SCAF1: variants seen among roughly 807,000 people sequenced by gnomAD.
The protein encoded by SCAF1 is splicing factor, arginine/serine-rich 19.
In SCAF1, 28 loss-of-function variants were observed where a neutral mutation model predicts 91.2. That is an observed-to-expected ratio of 0.31 (90% CI 0.23 to 0.42). The LOEUF (loss-of-function observed/expected upper bound fraction) is 0.42. Among genes scored for constraint, SCAF1 ranks in the 10% least tolerant of loss-of-function variants. The pLI is 1.00. For missense variants in SCAF1, 1,893 were observed against 1,872.1 expected, an observed-to-expected ratio of 1.01 and a Z score of -0.21; for synonymous variants, 1,036 against 833.7, an observed-to-expected ratio of 1.24 and a Z score of -4.18.
chr19:49,651,899 G>T lies in SCAF1; in HGVS notation c.1510G>T (p.Ala504Ser). 4 of 1,164,362 alleles carry T rather than the reference G, an allele frequency of 3.4e-6. No individual in the cohort carries two copies. Among genetic ancestry groups the T allele is most frequent in the South Asian group, 2.3e-5 (1 of 43,926 alleles). The allele number at this position is 1,164,362 out of a possible 1,614,324, so 72.1% of individuals were successfully genotyped here. The change falls in exon 7 of 11, where the codon GCG becomes TCG. Residue 504 changes from alanine (A) to serine (S), a missense_variant. By Grantham distance (99) the Ala-to-Ser change is moderately conservative. Transcript: ENST00000360565. Reference sequence around the variant, plus strand: ...CCAGCGCTCGCCCTCCCCGGCGCCCGCGCCCGCCCCGGCCGCCGCTGCTGG... The same window carrying T: ...CCAGCGCTCGCCCTCCCCGGCGCCCTCGCCCGCCCCGGCCGCCGCTGCTGG... ...YRQRSPSPAP[A>S]PAPAAAAGPP...
intron 9 of SCAF1, among the ~76,000 whole-genome samples, chr19:49,655,661 C>T (rs532233846): frequency 1.8e-4 from 27 of 152,244 alleles, no homozygotes; most frequent in African/African-American, 4.3e-4. Context: ...CCACCGTGCC[C>T]GGCCTTGGTT....
In SCAF1 at chr19:49,646,809, G is replaced by T. The variant is rs138792343; in HGVS notation, c.457G>T (p.Ala153Ser). The change falls in exon 6 of 11, where the codon GCC (alanine) becomes TCC (serine). Residue 153 changes from alanine to serine, a missense_variant. By Grantham distance (99) the Ala-to-Ser change is moderately conservative. This residue lies in a region of SCAF1 where 270 missense variants were observed against 292.5 expected (regional missense o/e 0.92). Coordinates refer to ENST00000360565, the MANE Select transcript of SCAF1 (RefSeq NM_021228.3). This position sits in a 1 kb window ranked among gnomAD's most constrained non-coding sequence, Gnocchi z 5.6. ...GCCCAGCCTGCTGCCCCGTCTCAGGGCCTGGAGGACGGGCAAAACGGGTAT... is the reference window on the plus strand; with the variant it reads ...GCCCAGCCTGCTGCCCCGTCTCAGGTCCTGGAGGACGGGCAAAACGGGTAT... ...PVPSLLPRLR[A>S]WRTGKTVSPQ... The T allele has an allele frequency of 3.9e-4, 624 of 1,612,772 alleles. No individual in the cohort carries two copies. Among genetic ancestry groups the T allele is most frequent in the Non-Finnish European group, 5.0e-4 (593 of 1,179,806 alleles).
chr19:49,651,989 T>A lies in SCAF1; in HGVS notation c.1600T>A (p.Ser534Thr), dbSNP rs1447580549. ...CAGCGGCGAGGCCAAGGAGGCCGCC[T>A]CGTCCTCGTCGGGCACCCAGCCAGC... is the stretch of plus-strand genomic sequence containing the variant. ...KRSGEAKEAA[S>T]SSSGTQPAPP... is the part of the protein sequence containing the mutation. Residue 534 changes from serine (S) to threonine (T), a missense_variant, in exon 7 of 11, where the codon TCG (serine) becomes ACG (threonine). Transcript: ENST00000360565. 5.9e-6 allele frequency: 7 copies of A among 1,194,492 alleles called. No homozygotes were observed. The highest frequency in any genetic ancestry group is 7.3e-6 in the Non-Finnish European group (7 of 954,922). The allele number at this position is 1,194,492 out of a possible 1,614,324, so 74.0% of individuals were successfully genotyped here. A position where few individuals can be genotyped will look rare whatever the true frequency, so the allele number is the denominator to read the frequency against.
chr19:49,640,737 G>T (rs1002712238), upstream of SCAF1, among the ~76,000 whole-genome samples: 1 of 152,174 alleles, frequency 6.6e-6, no homozygotes, highest in Non-Finnish European at 1.5e-5. Context: ...ACTGGGAGGA[G>T]AGTGGGGCCC....
Position 49,652,216 on chromosome 19 carries a change from G to T in SCAF1, c.1827G>T (p.Arg609=). 1 of 1,333,962 alleles carries T rather than the reference G, an allele frequency of 7.5e-7. No homozygotes were observed. Among genetic ancestry groups the T allele is most frequent in the Non-Finnish European group, 9.6e-7 (1 of 1,045,522 alleles). 82.6% of individuals were successfully genotyped at this position (1,333,962 alleles called of 1,614,324 possible). The change falls in exon 7 of 11, where the codon CGG becomes CGT. Residue 609 remains arginine, a synonymous_variant. Coordinates refer to ENST00000360565, the MANE Select transcript of SCAF1 (RefSeq NM_021228.3). ...GGTCCCGGGAGAAGCGGCGACGGCG[G>T]CGGCGCTCCGCCTCCCCGCCCCCGG... ...RSRSREKRRR[R]RRSASPPPAT... is the part of the protein sequence containing the mutation.
Position 49,646,024 on chromosome 19 carries a change from T to C in SCAF1, c.167-84T>C, listed in dbSNP as rs1206009216. 2 of 1,268,662 alleles carry C rather than the reference T, an allele frequency of 1.6e-6. No individual in the cohort carries two copies. Among genetic ancestry groups the C allele is most frequent in the African/African-American group, 3.0e-5 (2 of 67,650 alleles). 78.6% of individuals were successfully genotyped at this position (1,268,662 alleles called of 1,614,324 possible). A position where few individuals can be genotyped will look rare whatever the true frequency, so the allele number is the denominator to read the frequency against. On this transcript the variant is annotated intron_variant, in intron 3 of 10. Transcript: ENST00000360565. The surrounding 1 kb of genome is among the most constrained non-coding windows in gnomAD (Gnocchi z 5.6). ...GGAGGCTGGTTCCGCTGTCAGGAAC[T>C]AGATCAAGCTCCTCTTTCCTCTACC...
In SCAF1 at chr19:49,650,942, GCCCCAC is replaced by G; in HGVS notation, c.558_563del (p.Pro187_Pro188del). 1 of 1,583,810 alleles carries G rather than the reference GCCCCAC, an allele frequency of 6.3e-7. No homozygotes were observed. Among genetic ancestry groups the G allele is most frequent in the Non-Finnish European group, 8.6e-7 (1 of 1,161,404 alleles). On this transcript the variant is annotated inframe_deletion, in exon 7 of 11. Coordinates refer to ENST00000360565, the MANE Select transcript of SCAF1 (RefSeq NM_021228.3). ...CTTGGGCACGGGAGACGGGGGCCCTGCCCCACCCCCTGCCCCCTCCTCTGCATCCTC... is the reference window on the plus strand; with the variant it reads ...CTTGGGCACGGGAGACGGGGGCCCTGCCCCTGCCCCCTCCTCTGCATCCTC...
In SCAF1 at chr19:49,654,830, A is replaced by C. The variant is rs1257240226; in HGVS notation, c.3578A>C (p.Glu1193Ala). ...TGLAATSDKR[E>A]GSSSSEGRGD... ...CTGGCTGCCACGTCTGACAAGAGAG[A>C]GGGCAGCAGCAGCTCTGAGGGCCGT... Residue 1193 changes from glutamate to alanine, a missense_variant, in exon 9 of 11, where the codon GAG becomes GCG. Physicochemically the swap from Glu to Ala is moderately radical, Grantham distance 107. Transcript: ENST00000360565. 6.2e-7 allele frequency: 1 copy of C among 1,610,562 alleles called. No individual in the cohort carries two copies. The highest frequency in any genetic ancestry group is 1.7e-5 in the Admixed American group (1 of 59,852).
intron 6 of SCAF1, among the ~76,000 whole-genome samples, chr19:49,649,381 G>A (rs1004810693): frequency 8.5e-5 from 13 of 152,156 alleles, no homozygotes; most frequent in Admixed American, 2.0e-4. Context: ...CTCTTTCTGC[G>A]CACTCATCTA....
chr19:49,646,584 C>G lies in SCAF1; in HGVS notation c.320C>G (p.Pro107Arg). The change falls in exon 5 of 11, where the codon CCG becomes CGG. Residue 107 changes from proline (P) to arginine (R), a missense_variant. This residue lies in a region of SCAF1 where 270 missense variants were observed against 292.5 expected (regional missense o/e 0.92). Transcript: ENST00000360565. The surrounding 1 kb of genome is among the most constrained non-coding windows in gnomAD (Gnocchi z 5.6). ...GGGCTGGTGAGTGTCCTGGATCCCC[C>G]GGATACCTGGGTTCCCAGCCGCCTG... is the stretch of plus-strand genomic sequence containing the variant. ...LAGLVSVLDP[P>R]DTWVPSRLDL... The G allele has an allele frequency of 6.2e-7, 1 of 1,614,076 alleles. No individual in the cohort carries two copies. Among genetic ancestry groups the G allele is most frequent in the Non-Finnish European group, 8.5e-7 (1 of 1,179,996 alleles).
rs759128819 is a variant in SCAF1 at position 49,653,598 on chromosome 19, C to T, written c.3209C>T (p.Ala1070Val). Residue 1070 changes from alanine (A) to valine (V), a missense_variant, in exon 7 of 11, where the codon GCG becomes GTG. Physicochemically the swap from Ala to Val is moderately conservative, Grantham distance 64 (BLOSUM62 0). Around this residue, in one of 5 missense-constraint regions of SCAF1, gnomAD observed 1,436 missense variants for 1,306.8 expected, o/e 1.10. Coordinates refer to ENST00000360565, the MANE Select transcript of SCAF1 (RefSeq NM_021228.3). ...SAGSTAGDSG[A>V]EDGPASRVSQ... Reference sequence around the variant, plus strand: ...GGGTCCACAGCCGGTGACTCGGGGGCGGAGGACGGGCCAGCTTCCCGTGTC... The same window carrying T: ...GGGTCCACAGCCGGTGACTCGGGGGTGGAGGACGGGCCAGCTTCCCGTGTC... The T allele has an allele frequency of 8.8e-6, 14 of 1,582,550 alleles. No homozygotes were observed. The highest frequency in any genetic ancestry group is 1.8e-4 in the Middle Eastern group (1 of 5,708).
intron 9 of SCAF1, among the ~76,000 whole-genome samples, chr19:49,657,398 A>G (rs2081146714): frequency 1.3e-5 from 2 of 152,124 alleles, no homozygotes; most frequent in African/African-American, 2.4e-5. Flanking sequence ...AGTTTTCTAC[A>G]GCCCCGCCTC....
chr19:49,644,983 G>A (rs201643736), intron 1 of SCAF1, 38 bp from the exon 2 acceptor site: 6 of 1,468,896 alleles, frequency 4.1e-6, no homozygotes, highest in East Asian at 2.3e-5. Context: ...CCTTTCTCCC[G>A]GGACCTCCAC....
intron 6 of SCAF1, among the ~76,000 whole-genome samples, chr19:49,649,233 T>G (rs574517313): frequency 1.1e-3 from 166 of 152,314 alleles, no homozygotes; most frequent in African/African-American, 3.9e-3. Flanking sequence ...GAAATTTATA[T>G]AAAGCTGTGG....
chr19:49,653,422 C>CACTGAGGAGGCT lies in SCAF1; in HGVS notation c.3034_3045dup (p.Thr1012_Ala1015dup). The stretch of plus-strand genomic sequence containing the variant: ...AGGTCTCCTTCCTGCCCGAGGAGGC[C>CACTGAGGAGGCT]ACTGAGGAGGCTGGGGTCCGAGGTG... On this transcript the variant is annotated inframe_insertion, in exon 7 of 11. Coordinates refer to ENST00000360565, the MANE Select transcript of SCAF1 (RefSeq NM_021228.3). The CACTGAGGAGGCT allele has an allele frequency of 6.4e-7, 1 of 1,550,474 alleles. No homozygotes were observed. The highest frequency in any genetic ancestry group is 1.2e-5 in the South Asian group (1 of 81,232).
At position 49,651,882 on chromosome 19, in the gene SCAF1, C is replaced by A. The variant is rs1599826553; in HGVS notation, c.1493C>A (p.Ser498Ter). The A allele has an allele frequency of 8.3e-7, 1 of 1,205,046 alleles. No homozygotes were observed. The highest frequency in any genetic ancestry group is 2.1e-5 in the South Asian group (1 of 46,680). The allele number at this position is 1,205,046 out of a possible 1,614,324, so 74.6% of individuals were successfully genotyped here. A position where few individuals can be genotyped will look rare whatever the true frequency, so the allele number is the denominator to read the frequency against. Reference protein sequence around the residue: ...TQRRERYRQRSPSPAPAPAPA... With the variant: ...TQRRERYRQR ...CGGCGGGAGCGCTACCGCCAGCGCT[C>A]GCCCTCCCCGGCGCCCGCGCCCGCC... Residue 498 changes from serine to a stop codon, truncating the protein, a stop_gained, in exon 7 of 11, where the codon TCG becomes TAG. Coordinates refer to ENST00000360565, the MANE Select transcript of SCAF1 (RefSeq NM_021228.3). LOFTEE classifies it high-confidence loss of function.
intron 8 of SCAF1, 105 bp from the exon 9 acceptor site, chr19:49,654,547 C>T: frequency 7.4e-7 from 1 of 1,351,064 alleles, no homozygotes; most frequent in Non-Finnish European, 1.0e-6. Flanking sequence ...GAAGAGGAGC[C>T]TGTTGCCTCA....
In SCAF1 at chr19:49,645,542, C is replaced by A. The variant is rs574083222; in HGVS notation, c.166+131C>A. ...GCTGGCATGGGGAGCCAAAAATGGG[C>A]AGACACCCTGTAGCTGCCTTGGAAG... On this transcript the variant is annotated intron_variant, in intron 3 of 10. Coordinates refer to ENST00000360565, the MANE Select transcript of SCAF1 (RefSeq NM_021228.3). This position sits in a 1 kb window ranked among gnomAD's most constrained non-coding sequence, Gnocchi z 4.6. 2.3e-6 allele frequency: 2 copies of A among 864,710 alleles called. No individual in the cohort carries two copies. The highest frequency in any genetic ancestry group is 2.7e-5 in the Admixed American group (1 of 36,756). 53.6% of individuals were successfully genotyped at this position (864,710 alleles called of 1,614,324 possible). A position where few individuals can be genotyped will look rare whatever the true frequency, so the allele number is the denominator to read the frequency against.
chr19:49,646,244 CAG>C lies in SCAF1; in HGVS notation c.261+43_261+44del. The C allele has an allele frequency of 1.4e-6, 2 of 1,472,430 alleles. No individual in the cohort carries two copies. The highest frequency in any genetic ancestry group is 1.8e-6 in the Non-Finnish European group (2 of 1,087,356). 91.2% of individuals were successfully genotyped at this position (1,472,430 alleles called of 1,614,324 possible). A position where few individuals can be genotyped will look rare whatever the true frequency, so the allele number is the denominator to read the frequency against. ...GGCTGGGGGCCTGGCTCACGGGTAT[CAG>C]GGAGGAAGGGATGGGGGCCTGAGTC... On this transcript the variant is annotated intron_variant, in intron 4 of 10. Transcript: ENST00000360565. This position sits in a 1 kb window ranked among gnomAD's most constrained non-coding sequence, Gnocchi z 5.6.
Sources: allele counts gnomAD v4.1 joint callset (sites outside exome capture counted in the v4.1 genomes callset), GRCh38; gene constraint gnomAD v4.1.1; regional missense constraint gnomAD v4.1.1; non-coding constraint Gnocchi (gnomAD v3.1); transcripts MANE v1.5; gene names NCBI Gene and HGNC (gene_info 2026-07-23, HGNC 2026-07-21).